LTBP1: variants seen among roughly 807,000 people sequenced by gnomAD.
The protein encoded by LTBP1 is latent-transforming growth factor beta-binding protein 1.
A neutral mutation model predicts 207.6 loss-of-function variants in LTBP1; 129 were observed. The observed-to-expected ratio is 0.62, with a 90% CI of 0.54 to 0.72. LTBP1 has a LOEUF of 0.72. Among genes scored for constraint, LTBP1 ranks in the 30% least tolerant of loss-of-function variants. The pLI is 0.00. For missense variants in LTBP1, 2,281 were observed against 2,217.2 expected, an observed-to-expected ratio of 1.03 and a Z score of -0.58; for synonymous variants, 963 against 833.7, an observed-to-expected ratio of 1.16 and a Z score of -2.67.
intron 3 of LTBP1, among the ~76,000 whole-genome samples, chr2:33,102,531 C>G (rs574275200): frequency 3.9e-5 from 6 of 152,292 alleles, no homozygotes; most frequent in African/African-American, 1.2e-4. Flanking sequence ...TTTTTTCCCT[C>G]AAATATCTAC....
chr2:33,243,703 G>C lies in LTBP1; in HGVS notation c.1918G>C (p.Glu640Gln). 1 of 1,613,838 alleles carries C rather than the reference G, an allele frequency of 6.2e-7. No homozygotes were observed. The highest frequency in any genetic ancestry group is 8.5e-7 in the Non-Finnish European group (1 of 1,179,740). The change falls in exon 10 of 34, where the codon GAG (glutamate) becomes CAG (glutamine). Residue 640 changes from glutamate to glutamine, a missense_variant. By Grantham distance (29) the Glu-to-Gln change is conservative (BLOSUM62 2). This residue lies in a region of LTBP1 where 1,671 missense variants were observed against 1,634.8 expected (regional missense o/e 1.02). Coordinates refer to ENST00000404816, the MANE Select transcript of LTBP1 (RefSeq NM_206943.4). ...GCTACAAGGTGTATGCCCTAATGGTGAGTGTTTGAATACCATGGGCAGCTA... is the reference window on the plus strand; with the variant it reads ...GCTACAAGGTGTATGCCCTAATGGTCAGTGTTTGAATACCATGGGCAGCTA... Reference protein sequence around the residue: ...CQLQGVCPNGECLNTMGSYRC... With the variant: ...CQLQGVCPNGQCLNTMGSYRC...
intron 2 of LTBP1, among the ~76,000 whole-genome samples, chr2:32,959,621 A>ATATATATATTTTTTTTTTT (rs1475834284): frequency 4.6e-4 from 17 of 36,660 alleles, no homozygotes; most frequent in African/African-American, 9.6e-4. Context: ...ATATATATAT[A>ATATATATATTTTTTTTTTT]TTTTTTTTTT....
chr2:33,304,171 A>G (rs762339979), intron 22 of LTBP1, among the ~76,000 whole-genome samples: 2 of 152,212 alleles, frequency 1.3e-5, no homozygotes, highest in African/African-American at 2.4e-5. Flanking sequence ...CTTTTGGAAT[A>G]TATAATCAGG....
chr2:33,328,993 C>T (rs1167642173), intron 24 of LTBP1, among the ~76,000 whole-genome samples: 1 of 152,154 alleles, frequency 6.6e-6, no homozygotes, highest in Non-Finnish European at 1.5e-5. Flanking sequence ...TATTCTTGAA[C>T]ATGACTTTTC....
intron 5 of LTBP1, among the ~76,000 whole-genome samples, chr2:33,163,549 A>C (rs528544958): frequency 1.1e-4 from 17 of 152,224 alleles, no homozygotes; most frequent in Non-Finnish European, 2.2e-4. Flanking sequence ...ATTAGGTAGA[A>C]GGAATAAATT....
At chr2:33,391,203 G>C (rs1455590484) in intron 32 of LTBP1, among the ~76,000 whole-genome samples, 1 of 151,998 alleles carries the variant, frequency 6.6e-6, no homozygotes, top group East Asian at 1.9e-4. Context: ...CTCCCACCCA[G>C]GCCAGGAGCA....
intron 5 of LTBP1, among the ~76,000 whole-genome samples, chr2:33,176,536 A>T (rs528817416): frequency 6.6e-6 from 1 of 152,254 alleles, no homozygotes; most frequent in Admixed American, 6.5e-5. Context: ...ACAACATGTT[A>T]ATTTAATATA....
intron 4 of LTBP1, among the ~76,000 whole-genome samples, chr2:33,122,517 C>A (rs892349927): frequency 6.6e-6 from 1 of 152,128 alleles, no homozygotes; most frequent in Non-Finnish European, 1.5e-5. Context: ...AGGCACTTTC[C>A]CAAACAGGGA....
At chr2:32,986,972 G>C (rs189570870) in intron 2 of LTBP1, among the ~76,000 whole-genome samples, 34 of 152,298 alleles carry the variant, frequency 2.2e-4, no homozygotes, top group Non-Finnish European at 2.1e-4. Context: ...GTGTTGCTCT[G>C]ATTGGCTAGG....
chr2:33,236,560 G>A (rs984245037), intron 9 of LTBP1, among the ~76,000 whole-genome samples: 2 of 152,120 alleles, frequency 1.3e-5, no homozygotes, highest in African/African-American at 4.8e-5. Flanking sequence ...GTTTCAAAAA[G>A]GAAATGTCTG....
chr2:33,165,740 C>G (rs2084858137), intron 5 of LTBP1, among the ~76,000 whole-genome samples: 1 of 152,136 alleles, frequency 6.6e-6, no homozygotes, highest in Non-Finnish European at 1.5e-5. Flanking sequence ...GACGGAGTCT[C>G]TTTCTTAATG....
At chr2:33,355,592 GCCCACTGTACTT>G (rs1312839221) in intron 26 of LTBP1, among the ~76,000 whole-genome samples, 1 of 151,982 alleles carries the variant, frequency 6.6e-6, no homozygotes, top group African/African-American at 2.4e-5. Flanking sequence ...AGAGGGCTGG[GCCCACTGTACTT>G]TATTTGGCTT....
intron 9 of LTBP1, among the ~76,000 whole-genome samples, chr2:33,238,876 C>A (rs931124268): frequency 2.0e-5 from 3 of 152,142 alleles, no homozygotes; most frequent in African/African-American, 7.2e-5. Flanking sequence ...TTCATCGTCA[C>A]CTTATCGCAT....
intron 7 of LTBP1, among the ~76,000 whole-genome samples, chr2:33,215,450 A>G (rs2090602632): frequency 1.3e-5 from 2 of 152,112 alleles, no homozygotes; most frequent in African/African-American, 4.8e-5. Context: ...TAGAACATCA[A>G]AGCTATGATG....
intron 5 of LTBP1, among the ~76,000 whole-genome samples, chr2:33,153,516 G>T (rs927277001): frequency 1.3e-5 from 2 of 152,086 alleles, no homozygotes; most frequent in Admixed American, 6.6e-5. Flanking sequence ...CTTAGAATGC[G>T]CTGGGGTCCT....
chr2:32,967,231 G>A (rs994569286), intron 2 of LTBP1, among the ~76,000 whole-genome samples: 1 of 151,908 alleles, frequency 6.6e-6, no homozygotes, highest in African/African-American at 2.4e-5. Context: ...CCTGGTTAGA[G>A]GCTTATCAAT....
intron 32 of LTBP1, among the ~76,000 whole-genome samples, chr2:33,395,906 T>A (rs1185969707): frequency 4.5e-5 from 4 of 88,262 alleles, no homozygotes; most frequent in Non-Finnish European, 7.2e-5. Context: ...TCTAGCCATA[T>A]ATTTTTTTTT....
intron 26 of LTBP1, among the ~76,000 whole-genome samples, chr2:33,354,127 T>G (rs953089471): frequency 6.6e-6 from 1 of 152,120 alleles, no homozygotes; most frequent in Non-Finnish European, 1.5e-5. Context: ...CCTCCCAAAG[T>G]GCTGGGATTA....
At chr2:33,095,955 A>C (rs1247875378) in intron 3 of LTBP1, among the ~76,000 whole-genome samples, 2 of 152,126 alleles carry the variant, frequency 1.3e-5, no homozygotes, top group Admixed American at 6.5e-5. Flanking sequence ...ATGTAACAAG[A>C]AAAATGTTTA....
Sources: gnomAD v4.1 joint callset for allele counts (sites outside exome capture counted in the v4.1 genomes callset) on GRCh38, gnomAD v4.1.1 for gene constraint, gnomAD v4.1.1 regional missense constraint, MANE v1.5 for transcripts, NCBI Gene and HGNC (gene_info 2026-07-23, HGNC 2026-07-21) for gene names.